TFCP2: variants seen among roughly 807,000 people sequenced by gnomAD.
TFCP2 encodes the protein transcription factor CP2.
Under a neutral mutation model 73.4 loss-of-function variants are expected in TFCP2, and 33 were observed. The ratio of observed to expected loss-of-function variants is 0.45; its 90% CI spans 0.34 to 0.60. The LOEUF (loss-of-function observed/expected upper bound fraction) is 0.60, where lower values mean the gene tolerates loss of function less well. Ranked by LOEUF, TFCP2 falls within the 20% of genes least tolerant of loss-of-function variation. TFCP2 has a pLI of 0.01. For synonymous variants in TFCP2, 193 were observed against 211.6 expected (o/e 0.91, Z 0.76); for missense variants, 352 against 604.0 (o/e 0.58, Z 4.37).
chr12:51,136,587 T>C (rs1346546307), intron 1 of TFCP2, among the ~76,000 whole-genome samples: 2 of 152,172 alleles, frequency 1.3e-5, no homozygotes, highest in Non-Finnish European at 2.9e-5. Context: ...AGCTTACCTG[T>C]ATTCCCCTCC....
At position 51,098,887 on chromosome 12, in the gene TFCP2, T is replaced by G; in HGVS notation, c.1308A>C (p.Thr436=). Residue 436 remains threonine (T), a synonymous_variant, in exon 13 of 15, where the codon ACA becomes ACC. Transcript: ENST00000257915. ...VYHAIYLEEL[T]AVELTEKIAQ... is the part of the protein sequence containing the mutation. ...CAATTTTTTCTGTCAATTCAACAGC[T>G]GTTAGTTCTTCTAGATAGATAGCAT... 6.2e-7 allele frequency: 1 copy of G among 1,614,140 alleles called. No individual in the cohort carries two copies. Among genetic ancestry groups the G allele is most frequent in the Non-Finnish European group, 8.5e-7 (1 of 1,180,038 alleles).
At chr12:51,140,445 C>T (rs369477549) in intron 1 of TFCP2, among the ~76,000 whole-genome samples, 111 of 88,028 alleles carry the variant, frequency 1.3e-3, no homozygotes, top group African/African-American at 4.5e-3. Context: ...TTTTCTTTTT[C>T]TTTTTTTTTT....
chr12:51,172,491 C>G lies in TFCP2; in HGVS notation c.-69G>C, dbSNP rs770308253. On this transcript the variant is annotated 5_prime_UTR_variant, in exon 1 of 15. Transcript: ENST00000257915. ...AGGCGCGGAGGGTAATTCTACCCAA[C>G]AGGAGTAACGCAAACCAAGAAAACT... The G allele has an allele frequency of 6.3e-7, 1 of 1,599,614 alleles. No homozygotes were observed. The highest frequency in any genetic ancestry group is 8.5e-7 in the Non-Finnish European group (1 of 1,174,148).
intron 1 of TFCP2, among the ~76,000 whole-genome samples, chr12:51,168,013 A>G (rs1204880004): frequency 6.6e-6 from 1 of 152,020 alleles, no homozygotes; most frequent in African/African-American, 2.4e-5. Context: ...ATGAGCTACA[A>G]TCACGCCACT....
intron 1 of TFCP2, among the ~76,000 whole-genome samples, chr12:51,132,307 C>T (rs1299419004): frequency 7.6e-6 from 1 of 131,460 alleles, no homozygotes; most frequent in Non-Finnish European, 1.6e-5. Flanking sequence ...GCTTTAACAA[C>T]AAGAATGTGG....
chr12:51,147,789 C>G (rs1289447943), intron 1 of TFCP2, among the ~76,000 whole-genome samples: 3 of 152,128 alleles, frequency 2.0e-5, no homozygotes, highest in African/African-American at 7.2e-5. Context: ...CAAAGATAAA[C>G]AGATGAGACT....
intron 1 of TFCP2, among the ~76,000 whole-genome samples, chr12:51,127,831 T>C (rs1940846694): frequency 6.6e-6 from 1 of 152,170 alleles, no homozygotes; most frequent in Admixed American, 6.5e-5. Flanking sequence ...ATGAGACCCA[T>C]GAGTGACACT....
intron 1 of TFCP2, among the ~76,000 whole-genome samples, chr12:51,131,957 T>C (rs920885556): frequency 1.3e-5 from 2 of 152,220 alleles, no homozygotes; most frequent in African/African-American, 4.8e-5. Context: ...CTCTATTTTG[T>C]ACTCACTTCT....
chr12:51,097,186 G>C (rs1020983506), intron 13 of TFCP2, among the ~76,000 whole-genome samples: 6 of 152,218 alleles, frequency 3.9e-5, no homozygotes, highest in African/African-American at 1.4e-4. Flanking sequence ...CTGACCTCAG[G>C]TGATCTGCTT....
At chr12:51,148,699 C>CAAAAAAAAAAAAAAAAA (rs140565414) in intron 1 of TFCP2, among the ~76,000 whole-genome samples, 1 of 100,152 alleles carries the variant, frequency 1.0e-5, no homozygotes, top group Non-Finnish European at 1.9e-5. Context: ...GACTCTGTCT[C>CAAAAAAAAAAAAAAAAA]AAAAAAAAAA....
At chr12:51,132,981 A>G (rs995232328) in intron 1 of TFCP2, among the ~76,000 whole-genome samples, 2 of 152,178 alleles carry the variant, frequency 1.3e-5, no homozygotes, top group Admixed American at 1.3e-4. Flanking sequence ...ATGAGATGTC[A>G]TTGTTGTTTG....
rs903205031 is a variant in TFCP2 at position 51,093,978 on chromosome 12, TACACACTTACACACACAC to T, written c.*1245_*1262del. On this transcript the variant is annotated 3_prime_UTR_variant, in exon 15 of 15. Transcript: ENST00000257915. ...GAAAGAAAACCCATGATGTTACACT[TACACACTTACACACACAC>T]ACACACACACACACAATCATTCTTA... 158 of 129,376 alleles carry T rather than the reference TACACACTTACACACACAC, an allele frequency of 1.2e-3. No individual in the cohort carries two copies. Among genetic ancestry groups the T allele is most frequent in the African/African-American group, 4.9e-3 (146 of 30,030 alleles). The allele number at this position is 129,376 out of a possible 1,614,324, so 8.0% of individuals were successfully genotyped here. A position where few individuals can be genotyped will look rare whatever the true frequency, so the allele number is the denominator to read the frequency against.
At chr12:51,104,929 G>A (rs908909460) in intron 8 of TFCP2, among the ~76,000 whole-genome samples, 3 of 151,734 alleles carry the variant, frequency 2.0e-5, no homozygotes, top group Non-Finnish European at 4.4e-5. Context: ...AGCCAGGATG[G>A]TCTCGATCTC....
chr12:51,163,953 C>T (rs938398455), intron 1 of TFCP2, among the ~76,000 whole-genome samples: 4 of 151,952 alleles, frequency 2.6e-5, no homozygotes, highest in African/African-American at 9.7e-5. Context: ...ACCTGTAATC[C>T]CAGCGCTTTG....
intron 1 of TFCP2, among the ~76,000 whole-genome samples, chr12:51,142,104 G>A (rs1433289813): frequency 7.3e-6 from 1 of 137,922 alleles, no homozygotes; most frequent in Non-Finnish European, 1.5e-5. Flanking sequence ...TCAGGAGGCT[G>A]AAGCAGAAGA....
chr12:51,119,944 C>A (rs1321346390), intron 1 of TFCP2, among the ~76,000 whole-genome samples: 3 of 151,652 alleles, frequency 2.0e-5, no homozygotes, highest in African/African-American at 7.3e-5. Flanking sequence ...TTCGGGAGGC[C>A]GAGGCGGGTG....
chr12:51,100,230 G>A (rs1161382912), intron 11 of TFCP2, among the ~76,000 whole-genome samples: 1 of 152,130 alleles, frequency 6.6e-6, no homozygotes, highest in Non-Finnish European at 1.5e-5. Context: ...CGTCTAATGG[G>A]TCAGGTTCAA....
At chr12:51,171,890 G>A (rs1180415346) in intron 1 of TFCP2, among the ~76,000 whole-genome samples, 2 of 152,210 alleles carry the variant, frequency 1.3e-5, no homozygotes, top group East Asian at 3.9e-4. Context: ...AACAAGAAAC[G>A]AACCAATATT....
intron 1 of TFCP2, among the ~76,000 whole-genome samples, chr12:51,165,201 C>T (rs2640515): frequency 0.84 from 127,302 of 152,040 alleles, 53,606 homozygotes; most frequent in Non-Finnish European, 0.89. Flanking sequence ...AAAAAAAAGA[C>T]ATGATAAGAA....
Sources: gnomAD v4.1 joint callset for allele counts (sites outside exome capture counted in the v4.1 genomes callset) on GRCh38, gnomAD v4.1.1 for gene constraint, MANE v1.5 for transcripts, NCBI Gene and HGNC (gene_info 2026-07-23, HGNC 2026-07-21) for gene names.